LMTK2: variants seen among roughly 807,000 people sequenced by gnomAD.
The protein encoded by LMTK2 is lemur tail kinase 2.
A neutral mutation model predicts 127.5 loss-of-function variants in LMTK2; 37 were observed. The observed-to-expected ratio is 0.29, with a 90% CI of 0.22 to 0.38. The LOEUF (loss-of-function observed/expected upper bound fraction) is 0.38, where lower values mean the gene tolerates loss of function less well. LMTK2 is among the 10% of genes least tolerant of loss of function. The pLI, the probability that LMTK2 is intolerant of heterozygous loss-of-function variation, is 1.00. For missense variants in LMTK2, 1,694 were observed against 1,920.3 expected, an observed-to-expected ratio of 0.88 and a Z score of 2.20; for synonymous variants, 819 against 810.1, an observed-to-expected ratio of 1.01 and a Z score of -0.19.
At chr7:98,195,175 G>T (rs1044499914) in intron 11 of LMTK2, among the ~76,000 whole-genome samples, 10 of 152,170 alleles carry the variant, frequency 6.6e-5, no homozygotes, top group Non-Finnish European at 1.0e-4. Context: ...GAGCCACTGC[G>T]CTTGGCCTCC....
intron 1 of LMTK2, among the ~76,000 whole-genome samples, chr7:98,114,266 G>A (rs1442571420): frequency 2.0e-5 from 3 of 148,698 alleles, no homozygotes; most frequent in African/African-American, 7.4e-5. Context: ...TTTGAGACAG[G>A]GTCTTGTTCT....
intron 2 of LMTK2, among the ~76,000 whole-genome samples, chr7:98,137,888 T>C (rs916078141): frequency 6.6e-6 from 1 of 152,194 alleles, no homozygotes; most frequent in Non-Finnish European, 1.5e-5. Context: ...CCCCGAAACT[T>C]CTGTAGACTG....
intron 11 of LMTK2, among the ~76,000 whole-genome samples, chr7:98,200,217 T>C (rs1040483879): frequency 1.3e-4 from 20 of 152,220 alleles, no homozygotes; most frequent in African/African-American, 4.8e-4. Context: ...GAAACCCTAC[T>C]GTCACTTAGG....
chr7:98,202,293 A>G (rs968321861), intron 11 of LMTK2, among the ~76,000 whole-genome samples: 9 of 152,048 alleles, frequency 5.9e-5, no homozygotes, highest in Non-Finnish European at 1.3e-4. Flanking sequence ...TCTTCTTATC[A>G]TCTGTTCCTT....
intron 1 of LMTK2, among the ~76,000 whole-genome samples, chr7:98,123,066 A>G (rs1433079999): frequency 6.6e-6 from 1 of 152,014 alleles, no homozygotes; most frequent in Non-Finnish European, 1.5e-5. Context: ...AGGGTTTATC[A>G]TAAAAATAGT....
At chr7:98,163,197 G>A (rs1340998443) in intron 6 of LMTK2, among the ~76,000 whole-genome samples, 1 of 152,130 alleles carries the variant, frequency 6.6e-6, no homozygotes, top group African/African-American at 2.4e-5. Flanking sequence ...GTTCTGGAGG[G>A]GGCTGGTGGT....
Position 98,206,325 on chromosome 7 carries a change from AGG to A in LMTK2, c.*834_*835del, listed in dbSNP as rs2116490501. 6.6e-6 allele frequency: 1 copy of A among 152,376 alleles called. No homozygotes were observed. Among genetic ancestry groups the A allele is most frequent in the Admixed American group, 6.5e-5 (1 of 15,308 alleles). The allele number at this position is 152,376 out of a possible 1,614,324, so 9.4% of individuals were successfully genotyped here. ...TGAAGCGGCTTTGCCGCAGCAAATG[AGG>A]CTTCTCTCTGAGGAGCTGAGAGGTC... is the stretch of plus-strand genomic sequence containing the variant. On this transcript the variant is annotated 3_prime_UTR_variant, in exon 14 of 14. Coordinates refer to ENST00000297293, the MANE Select transcript of LMTK2 (RefSeq NM_014916.4).
chr7:98,123,863 G>C (rs1330399518), intron 1 of LMTK2, among the ~76,000 whole-genome samples: 1 of 151,972 alleles, frequency 6.6e-6, no homozygotes, highest in Non-Finnish European at 1.5e-5. Context: ...TACTTCTGTT[G>C]ATCTTTTTGT....
intron 6 of LMTK2, among the ~76,000 whole-genome samples, chr7:98,160,049 T>TA (rs1280559472): frequency 6.6e-6 from 1 of 152,240 alleles, no homozygotes; most frequent in Non-Finnish European, 1.5e-5. Context: ...AAATTTCCTC[T>TA]AAACATCTTT....
At chr7:98,205,400 G>A (rs1797774838) in intron 13 of LMTK2, 64 bp from the exon 14 acceptor site, 3 of 1,600,320 alleles carry the variant, frequency 1.9e-6, no homozygotes, top group South Asian at 2.2e-5. Context: ...TGCCATCCAC[G>A]CCATGCCTGT....
intron 2 of LMTK2, among the ~76,000 whole-genome samples, chr7:98,140,177 T>TATG (rs1796670637): frequency 6.5e-5 from 1 of 15,386 alleles, no homozygotes; most frequent in Non-Finnish European, 2.1e-4. Context: ...CTTTTCTTTC[T>TATG]TTTCTTTCTT....
At chr7:98,125,599 A>G (rs929182830) in intron 1 of LMTK2, among the ~76,000 whole-genome samples, 8 of 152,068 alleles carry the variant, frequency 5.3e-5, no homozygotes, top group Non-Finnish European at 1.2e-4. Context: ...CCTCTTAACT[A>G]TTTGGGGGTA....
At chr7:98,151,017 T>C (rs933798770) in intron 3 of LMTK2, among the ~76,000 whole-genome samples, 6 of 152,192 alleles carry the variant, frequency 3.9e-5, no homozygotes, top group East Asian at 1.9e-4. Context: ...TCAGTAAAAC[T>C]TTTTAAAAAT....
chr7:98,196,769 T>C (rs1469422875), intron 11 of LMTK2, among the ~76,000 whole-genome samples: 4 of 152,182 alleles, frequency 2.6e-5, no homozygotes, highest in East Asian at 1.9e-4. Context: ...AGTTATGGGA[T>C]GGAAGGTACA....
At chr7:98,183,198 C>T (rs773484956) in intron 7 of LMTK2, among the ~76,000 whole-genome samples, 10 of 152,186 alleles carry the variant, frequency 6.6e-5, no homozygotes, top group Non-Finnish European at 1.0e-4. Flanking sequence ...ATGCCTTTCC[C>T]TTTCTAGGTC....
chr7:98,117,343 A>C, intron 1 of LMTK2, among the ~76,000 whole-genome samples: 1 of 150,336 alleles, frequency 6.7e-6, no homozygotes, highest in African/African-American at 2.5e-5. Flanking sequence ...GCAGCCTTGA[A>C]CTCCCGGGCC....
intron 1 of LMTK2, among the ~76,000 whole-genome samples, chr7:98,109,138 C>T (rs375276099): frequency 6.6e-6 from 1 of 152,032 alleles, no homozygotes; most frequent in Non-Finnish European, 1.5e-5. Flanking sequence ...GGATTACAGG[C>T]GTGAGCCACC....
intron 13 of LMTK2, 33 bp from the exon 14 acceptor site, chr7:98,205,431 G>A: frequency 6.2e-7 from 1 of 1,613,596 alleles, no homozygotes; most frequent in Non-Finnish European, 8.5e-7. Flanking sequence ...TAAAAACCCA[G>A]CTTTGTCGTC....
At chr7:98,141,208 A>G (rs895569448) in intron 2 of LMTK2, among the ~76,000 whole-genome samples, 189 bp from the exon 3 acceptor site, 1 of 152,142 alleles carries the variant, frequency 6.6e-6, no homozygotes, top group Non-Finnish European at 1.5e-5. Flanking sequence ...AATATGTATA[A>G]TTTATTTTCC....
Sources: gnomAD v4.1 joint callset for allele counts (sites outside exome capture counted in the v4.1 genomes callset) on GRCh38, gnomAD v4.1.1 for gene constraint, MANE v1.5 for transcripts, NCBI Gene and HGNC (gene_info 2026-07-23, HGNC 2026-07-21) for gene names.